The following ITGA8 variants were observed in gnomAD, a reference collection of about 807,000 sequenced individuals.
ITGA8 encodes the protein integrin alpha-8.
In ITGA8, 91 loss-of-function variants were observed where a neutral mutation model predicts 142.3. The observed-to-expected ratio is 0.64, with a 90% CI of 0.54 to 0.76. ITGA8 has a LOEUF of 0.76. Among genes scored for constraint, ITGA8 ranks in the 30% least tolerant of loss-of-function variants. The pLI is 0.00. For missense variants in ITGA8, 1,406 were observed against 1,327.7 expected (o/e 1.06, Z -0.92); for synonymous variants, 505 against 485.2 (o/e 1.04, Z -0.54).
At chr10:15,717,489 A>C (rs796265092) in intron 2 of ITGA8, among the ~76,000 whole-genome samples, 99 of 152,328 alleles carry the variant, frequency 6.5e-4, no homozygotes, top group African/African-American at 2.2e-3. Context: ...ACTAATTAAA[A>C]GATTTCTGTC....
At chr10:15,710,134 GA>G (rs959953208) in intron 2 of ITGA8, among the ~76,000 whole-genome samples, 3 of 151,372 alleles carry the variant, frequency 2.0e-5, no homozygotes, top group African/African-American at 4.9e-5. Context: ...TTGAAAACAA[GA>G]AAAAAAATGC....
At chr10:15,614,854 C>T (rs1833364421) in intron 14 of ITGA8, among the ~76,000 whole-genome samples, 2 of 152,096 alleles carry the variant, frequency 1.3e-5, no homozygotes, top group Admixed American at 1.3e-4. Flanking sequence ...GTGTTAGTTC[C>T]ACTCCTTGGA....
chr10:15,565,513 A>G (rs1242423956), intron 25 of ITGA8, among the ~76,000 whole-genome samples: 1 of 151,446 alleles, frequency 6.6e-6, no homozygotes, highest in East Asian at 1.9e-4. Context: ...ATGATTCCAC[A>G]AAGAAATCAG....
intron 2 of ITGA8, among the ~76,000 whole-genome samples, chr10:15,697,323 C>T (rs958483494): frequency 3.3e-5 from 5 of 152,052 alleles, no homozygotes; most frequent in Non-Finnish European, 7.4e-5. Context: ...GTATTCTCAC[C>T]AGGAAGAATC....
At chr10:15,714,891 G>A (rs902848703) in intron 2 of ITGA8, among the ~76,000 whole-genome samples, 5 of 152,136 alleles carry the variant, frequency 3.3e-5, no homozygotes, top group Admixed American at 2.0e-4. Context: ...TGAACAAGTT[G>A]AAACAACTTC....
chr10:15,553,302 G>GTTTTTTTTTTT (rs5783451), intron 26 of ITGA8, among the ~76,000 whole-genome samples: 1 of 131,140 alleles, frequency 7.6e-6, no homozygotes. Flanking sequence ...AGTTGCCATA[G>GTTTTTTTTTTT]TTTTTTTTTT....
At position 15,598,945 on chromosome 10, in the gene ITGA8, A is replaced by G. The variant is rs559348062; in HGVS notation, c.2119-1646T>C. On this transcript the variant is annotated intron_variant, in intron 20 of 29. Transcript: ENST00000378076. Reference sequence around the variant, plus strand: ...TTCAGCTCCTTAAGGATCCATAACTAACCGCTAATCATACAGAGATGCTTT... The same window carrying G: ...TTCAGCTCCTTAAGGATCCATAACTGACCGCTAATCATACAGAGATGCTTT... Among the ~76,000 whole-genome samples, 4 of 152,342 alleles carry G rather than the reference A, an allele frequency of 2.6e-5. No individual in the cohort carries two copies. In the South Asian group the frequency reaches 8.3e-4, roughly 32 times the overall value.
intron 15 of ITGA8, chr10:15,611,557 T>C (rs1246046151): frequency 6.7e-6 from 1 of 149,462 alleles, no homozygotes; most frequent in Non-Finnish European, 1.5e-5. Flanking sequence ...AGTGGTGCGA[T>C]CTCAGCTCAC....
intron 10 of ITGA8, among the ~76,000 whole-genome samples, chr10:15,657,586 C>T (rs1834210519): frequency 7.1e-6 from 1 of 140,876 alleles, no homozygotes; most frequent in Non-Finnish European, 1.5e-5. Flanking sequence ...CTCCAGGCCT[C>T]AAGTGATCCT....
At chr10:15,625,982 A>G (rs747278700) in intron 13 of ITGA8, among the ~76,000 whole-genome samples, 2 of 152,208 alleles carry the variant, frequency 1.3e-5, no homozygotes, top group Admixed American at 6.5e-5. Flanking sequence ...GGGACTAGCC[A>G]TGTTCAAAAT....
At chr10:15,531,710 G>A (rs540656726) in intron 27 of ITGA8, among the ~76,000 whole-genome samples, 54 of 152,180 alleles carry the variant, frequency 3.5e-4, no homozygotes, top group African/African-American at 1.2e-3. Context: ...GGCCGAGGCC[G>A]GTGGATCCCC....
chr10:15,706,733 A>T (rs977959517), intron 2 of ITGA8, among the ~76,000 whole-genome samples: 1 of 152,020 alleles, frequency 6.6e-6, no homozygotes, highest in Non-Finnish European at 1.5e-5. Context: ...AGCCCCCATG[A>T]CTGACCAAAA....
intron 2 of ITGA8, among the ~76,000 whole-genome samples, chr10:15,701,052 A>T (rs1261976773): frequency 6.6e-6 from 1 of 152,194 alleles, no homozygotes; most frequent in Non-Finnish European, 1.5e-5. Flanking sequence ...ATAGTAGATC[A>T]TCAGTGTTTG....
chr10:15,719,732 C>T lies in ITGA8; in HGVS notation c.40G>A (p.Ala14Thr). 2 of 1,375,328 alleles carry T rather than the reference C, an allele frequency of 1.5e-6. No individual in the cohort carries two copies. Among genetic ancestry groups the T allele is most frequent in the South Asian group, 1.7e-5 (1 of 58,446 alleles). The allele number at this position is 1,375,328 out of a possible 1,614,324, so 85.2% of individuals were successfully genotyped here. A position where few individuals can be genotyped will look rare whatever the true frequency, so the allele number is the denominator to read the frequency against. ...CAGCAGAGGGGCGCGATCAGCGGCG[C>T]CTGGCTTCCCCGGGGACCGCGGCTG... Reference protein sequence around the residue: ...GASRGPRGSQAPLIAPLCCAA... With the variant: ...GASRGPRGSQTPLIAPLCCAA... Residue 14 changes from alanine (A) to threonine (T), a missense_variant, in exon 1 of 30, where the codon GCG (alanine) becomes ACG (threonine). By Grantham distance (58) the Ala-to-Thr change is moderately conservative. Transcript: ENST00000378076.
At chr10:15,608,103 G>C in intron 16 of ITGA8, 132 bp downstream of exon 16, 1 of 708,146 alleles carries the variant, frequency 1.4e-6, no homozygotes, top group South Asian at 1.7e-5. Flanking sequence ...TTATTAGAAG[G>C]TTCCATATAT....
chr10:15,653,217 A>G (rs1466195091), intron 11 of ITGA8, among the ~76,000 whole-genome samples: 1 of 151,748 alleles, frequency 6.6e-6, no homozygotes, highest in Non-Finnish European at 1.5e-5. Context: ...GCTGGTCCTC[A>G]CCTCCCTTAG....
intron 23 of ITGA8, among the ~76,000 whole-genome samples, chr10:15,577,288 G>A (rs1459378536): frequency 2.0e-5 from 3 of 152,026 alleles, no homozygotes; most frequent in Non-Finnish European, 4.4e-5. Context: ...ATATGTATTT[G>A]AATCTTGACA....
chr10:15,537,230 C>T (rs1833464320), intron 27 of ITGA8, among the ~76,000 whole-genome samples: 3 of 152,186 alleles, frequency 2.0e-5, no homozygotes, highest in Admixed American at 6.5e-5. Flanking sequence ...ACGTTTCCCT[C>T]TTCCTGGTTT....
At chr10:15,646,001 C>T (rs1452394606) in intron 12 of ITGA8, among the ~76,000 whole-genome samples, 1 of 152,168 alleles carries the variant, frequency 6.6e-6, no homozygotes, top group Non-Finnish European at 1.5e-5. Flanking sequence ...CCCATGTAGG[C>T]TGATCAGAAG....
Sources: gnomAD v4.1 joint callset for allele counts (sites outside exome capture counted in the v4.1 genomes callset) on GRCh38, gnomAD v4.1.1 for gene constraint, MANE v1.5 for transcripts, NCBI Gene and HGNC (gene_info 2026-07-23, HGNC 2026-07-21) for gene names.